The following RASA3 variants were observed in gnomAD, a reference collection of about 807,000 sequenced individuals.
The protein encoded by RASA3 is ras GTPase-activating protein 3.
RASA3 carries 73 observed loss-of-function variants against 110.0 expected under a neutral mutation model. The observed-to-expected ratio is 0.66, with a 90% CI of 0.55 to 0.81. RASA3 has a LOEUF of 0.81. RASA3 is among the 30% of genes least tolerant of loss of function. RASA3 has a pLI of 0.00. For missense variants in RASA3, 976 were observed against 1,113.2 expected (o/e 0.88, Z 1.75); for synonymous variants, 500 against 451.4 (o/e 1.11, Z -1.37).
intron 7 of RASA3, among the ~76,000 whole-genome samples, chr13:114,024,718 G>A (rs1422708670): frequency 2.6e-5 from 4 of 152,236 alleles, no homozygotes; most frequent in East Asian, 3.9e-4. Flanking sequence ...CCCCTCTGCC[G>A]TGGAGACGAA....
chr13:114,110,912 C>T (rs572240686), intron 1 of RASA3, among the ~76,000 whole-genome samples: 197 of 152,324 alleles, frequency 1.3e-3, no homozygotes, highest in African/African-American at 4.3e-3. Flanking sequence ...TGGCCGTGGG[C>T]CCCGGTCGGG....
chr13:114,113,193 TTGTCTGCTCAGCC>T (rs1035449064), intron 1 of RASA3, among the ~76,000 whole-genome samples: 2 of 152,176 alleles, frequency 1.3e-5, no homozygotes, highest in Non-Finnish European at 2.9e-5. Context: ...GAATGTAAGT[TTGTCTGCTCAGCC>T]ACACCGGCCT....
At chr13:114,052,966 G>C (rs56023786) in intron 2 of RASA3, among the ~76,000 whole-genome samples, 4,393 of 39,018 alleles carry the variant, frequency 0.11, 315 homozygotes, top group Middle Eastern at 0.15. Context: ...GGGAGAAATC[G>C]CCACTGCTGA....
intron 19 of RASA3, 72 bp downstream of exon 19, chr13:114,000,754 T>G (rs1014775209): frequency 4.2e-6 from 5 of 1,180,946 alleles, no homozygotes; most frequent in Non-Finnish European, 6.3e-6. Flanking sequence ...GCTCTCCCCC[T>G]GAAAAAGCAG....
In RASA3 at chr13:114,094,647, A is replaced by T. The variant is rs148769872; in HGVS notation, c.56-20810T>A. ...GTTTACCTAAGTATTGATAGAGGCA[A>T]CATTGGCAAATGTGAATGTGTTTAG... On this transcript the variant is annotated intron_variant, in intron 1 of 23. Coordinates refer to ENST00000334062, the MANE Select transcript of RASA3 (RefSeq NM_007368.4). Among the ~76,000 whole-genome samples, 8 of 152,366 alleles carry T rather than the reference A, an allele frequency of 5.3e-5. No homozygotes were observed. In the East Asian group the frequency reaches 1.5e-3, roughly 29 times the overall value.
chr13:114,011,164 G>C lies in RASA3; in HGVS notation c.1590+7C>G, dbSNP rs779309375. 4 of 1,601,050 alleles carry C rather than the reference G, an allele frequency of 2.5e-6. No individual in the cohort carries two copies. Among genetic ancestry groups the C allele is most frequent in the Non-Finnish European group, 3.4e-6 (4 of 1,169,254 alleles). ...CTAAAAAGAGAAAATGAAGAAGAGG[G>C]ACTCACAGATTTGGACTTGGACAGG... is the stretch of plus-strand genomic sequence containing the variant. On this transcript the variant is annotated splice_region_variant and intron_variant, in intron 16 of 23. Transcript: ENST00000334062. The surrounding 1 kb of genome is among the most constrained non-coding windows in gnomAD (Gnocchi z 4.8).
intron 3 of RASA3, among the ~76,000 whole-genome samples, chr13:114,041,686 CGTGT>C (rs1491454861): frequency 6.6e-6 from 1 of 152,248 alleles, no homozygotes; most frequent in Non-Finnish European, 1.5e-5. Flanking sequence ...GGGTGCTTTC[CGTGT>C]GTGTGGACAC....
At chr13:114,088,360 C>G (rs35624444) in intron 1 of RASA3, among the ~76,000 whole-genome samples, 10 of 152,160 alleles carry the variant, frequency 6.6e-5, no homozygotes, top group Non-Finnish European at 1.5e-5. Flanking sequence ...AAGGAAGGTT[C>G]TCAGTCTTCC....
intron 1 of RASA3, among the ~76,000 whole-genome samples, chr13:114,106,503 G>A (rs1424902513): frequency 2.0e-5 from 3 of 152,090 alleles, no homozygotes; most frequent in African/African-American, 7.2e-5. Context: ...TAACAATAAT[G>A]GCAATTTTTC....
In RASA3 at chr13:114,112,145, T is replaced by A. The variant is rs2139765938; in HGVS notation, c.55+20290A>T. 6.8e-6 allele frequency among the ~76,000 whole-genome samples: 1 copy of A among 147,784 alleles called. No homozygotes were observed. The highest frequency in any genetic ancestry group is 2.2e-4 in the South Asian group (1 of 4,566). ...AAGGGCACACCAGGCTAATTTTTAATCAGATGGATTTAGTGATAGCAAATA... is the reference window on the plus strand; with the variant it reads ...AAGGGCACACCAGGCTAATTTTTAAACAGATGGATTTAGTGATAGCAAATA... On this transcript the variant is annotated intron_variant, in intron 1 of 23. Coordinates refer to ENST00000334062, the MANE Select transcript of RASA3 (RefSeq NM_007368.4). The surrounding 1 kb of genome is among the most constrained non-coding windows in gnomAD (Gnocchi z 4.8).
chr13:114,071,212 G>C (rs2079568069), intron 2 of RASA3, among the ~76,000 whole-genome samples: 1 of 152,190 alleles, frequency 6.6e-6, no homozygotes, highest in South Asian at 2.1e-4. Flanking sequence ...CAACCTCCTG[G>C]CCTCAAGCAA....
At chr13:114,117,845 A>C (rs2080314490) in intron 1 of RASA3, among the ~76,000 whole-genome samples, 2 of 119,402 alleles carry the variant, frequency 1.7e-5, no homozygotes, top group Non-Finnish European at 3.4e-5. Flanking sequence ...GGTGCATGCA[A>C]TGCTCCTGTA....
Position 114,017,331 on chromosome 13 carries a change from CG to C in RASA3, c.1111del (p.Arg371GlufsTer14). 1 of 1,613,926 alleles carries C rather than the reference CG, an allele frequency of 6.2e-7. No homozygotes were observed. The highest frequency in any genetic ancestry group is 8.5e-7 in the Non-Finnish European group (1 of 1,180,008). On this transcript the variant is annotated frameshift_variant, in exon 12 of 24. Transcript: ENST00000334062. LOFTEE classifies it high-confidence loss of function. ...KRTQDPNTIF[R>X]GNSLASKCID... The stretch of plus-strand genomic sequence containing the variant: ...GCACTTGGACGCCAGTGAGTTTCCT[CG>C]GAAGATGGTGTTGGGGTCCCTGGGA...
chr13:114,053,896 C>G (rs968460162), intron 2 of RASA3, among the ~76,000 whole-genome samples: 8 of 152,244 alleles, frequency 5.3e-5, no homozygotes, highest in Admixed American at 2.0e-4. Flanking sequence ...GAGGCTGAGA[C>G]TAACGAATCA....
At position 114,073,714 on chromosome 13, in the gene RASA3, C is replaced by T; in HGVS notation, c.173+6G>A. 6.2e-7 allele frequency: 1 copy of T among 1,604,482 alleles called. No individual in the cohort carries two copies. Among genetic ancestry groups the T allele is most frequent in the Non-Finnish European group, 8.5e-7 (1 of 1,171,212 alleles). ...CAGTGCCAAGTAAAGCAACAGAAGA[C>T]ATTACCAGAGTGACTTTTCCACAAT... On this transcript the variant is annotated splice_donor_region_variant and intron_variant, in intron 2 of 23. Transcript: ENST00000334062.
At chr13:114,017,419 GGC>G in intron 11 of RASA3, 68 bp from the exon 12 acceptor site, 1 of 1,251,720 alleles carries the variant, frequency 8.0e-7, no homozygotes, top group South Asian at 1.4e-5. Flanking sequence ...AGCAGAGCCT[GGC>G]CCCGAGCACC....
intron 3 of RASA3, among the ~76,000 whole-genome samples, chr13:114,050,592 G>A (rs1159017238): frequency 5.3e-5 from 8 of 152,244 alleles, no homozygotes; most frequent in African/African-American, 1.9e-4. Context: ...CCGGCCCCGA[G>A]GGCCTCTCAC....
At chr13:113,981,292 C>G (rs768685636) in intron 23 of RASA3, among the ~76,000 whole-genome samples, 7 of 152,202 alleles carry the variant, frequency 4.6e-5, no homozygotes, top group Non-Finnish European at 1.0e-4. Flanking sequence ...GCCCTGCTCC[C>G]GGGCACCATG....
At position 114,000,931 on chromosome 13, in the gene RASA3, A is replaced by G. The variant is rs1297950989; in HGVS notation, c.1744T>C (p.Phe582Leu). The G allele has an allele frequency of 1.9e-6, 3 of 1,609,070 alleles. No homozygotes were observed. The highest frequency in any genetic ancestry group is 3.3e-5 in the Admixed American group (2 of 59,990). ...CGTCCTTGGGCCCTCTTGATCATGA[A>G]CCTGTGTGAAGAGCACACAGGGCCG... The part of the protein sequence containing the change: ...VEQPIVLKEG[F>L]MIKRAQGRKR... Residue 582 changes from phenylalanine (F) to leucine (L), a missense_variant and splice_region_variant, in exon 19 of 24, where the codon TTC becomes CTC. Transcript: ENST00000334062.
Sources: allele counts gnomAD v4.1 joint callset (sites outside exome capture counted in the v4.1 genomes callset), GRCh38; gene constraint gnomAD v4.1.1; non-coding constraint Gnocchi (gnomAD v3.1); transcripts MANE v1.5; gene names NCBI Gene and HGNC (gene_info 2026-07-23, HGNC 2026-07-21).